Variants in STXBP5L observed in about 807,000 individuals in gnomAD.
STXBP5L encodes the protein syntaxin binding protein 5L.
A neutral mutation model predicts 144.5 loss-of-function variants in STXBP5L; 65 were observed. The observed-to-expected ratio is 0.45, with a 90% CI of 0.37 to 0.55. The LOEUF is 0.55. Among genes scored for constraint, STXBP5L ranks in the 20% least tolerant of loss-of-function variants. The pLI is 0.00. For missense variants in STXBP5L, 1,298 were observed against 1,405.5 expected, an observed-to-expected ratio of 0.92 and a Z score of 1.22; for synonymous variants, 505 against 469.6, an observed-to-expected ratio of 1.08 and a Z score of -0.97.
intron 9 of STXBP5L, among the ~76,000 whole-genome samples, chr3:121,165,176 G>A (rs1230574158): frequency 6.6e-6 from 1 of 152,124 alleles, no homozygotes; most frequent in African/African-American, 2.4e-5. Context: ...TAAAAATGAA[G>A]TGTTTCGGCT....
intron 9 of STXBP5L, among the ~76,000 whole-genome samples, chr3:121,168,506 G>A (rs1016303450): frequency 6.6e-6 from 1 of 152,116 alleles, no homozygotes; most frequent in Non-Finnish European, 1.5e-5. Flanking sequence ...ATGACCTGAT[G>A]GAGCTGAAAA....
intron 6 of STXBP5L, among the ~76,000 whole-genome samples, chr3:121,117,561 A>G (rs1297778243): frequency 6.6e-6 from 1 of 151,834 alleles, no homozygotes; most frequent in African/African-American, 2.4e-5. Flanking sequence ...GGACAGTAAT[A>G]AAATATGCAT....
intron 5 of STXBP5L, among the ~76,000 whole-genome samples, chr3:121,074,069 G>A (rs928397728): frequency 2.6e-5 from 4 of 152,146 alleles, no homozygotes; most frequent in African/African-American, 9.7e-5. Context: ...CAGGACACAG[G>A]GGTCACTTGG....
intron 22 of STXBP5L, among the ~76,000 whole-genome samples, chr3:121,393,828 T>C (rs936664214): frequency 2.2e-4 from 34 of 152,226 alleles, no homozygotes; most frequent in African/African-American, 7.7e-4. Context: ...TTGGTTATTA[T>C]AGCCTTGTAG....
At chr3:121,055,542 G>T (rs756773232) in intron 5 of STXBP5L, among the ~76,000 whole-genome samples, 2 of 151,960 alleles carry the variant, frequency 1.3e-5, no homozygotes, top group Non-Finnish European at 2.9e-5. Context: ...ACAGGGTCCT[G>T]CTCTGTCTCC....
At chr3:121,416,063 T>C (rs2047224460) in intron 25 of STXBP5L, 95 bp downstream of exon 25, 6 of 908,694 alleles carry the variant, frequency 6.6e-6, no homozygotes, top group Non-Finnish European at 8.3e-6. Context: ...ATATGTGATC[T>C]CAAATTCTAG....
intron 22 of STXBP5L, among the ~76,000 whole-genome samples, chr3:121,389,427 C>A (rs992718372): frequency 2.6e-5 from 4 of 152,166 alleles, no homozygotes; most frequent in African/African-American, 9.7e-5. Flanking sequence ...CTTCTGTTAG[C>A]TTTTGAATTT....
At chr3:121,036,751 T>C (rs1946778039) in intron 3 of STXBP5L, among the ~76,000 whole-genome samples, 3 of 150,130 alleles carry the variant, frequency 2.0e-5, no homozygotes, top group Admixed American at 1.3e-4. Context: ...TTTCAGTTGA[T>C]AGGATGACTT....
intron 5 of STXBP5L, among the ~76,000 whole-genome samples, chr3:121,093,869 G>A (rs896992237): frequency 1.3e-5 from 2 of 152,106 alleles, no homozygotes; most frequent in African/African-American, 4.8e-5. Flanking sequence ...ATGTTAGGGT[G>A]TCAATTTTGG....
At chr3:121,119,121 C>G (rs893601983) in intron 6 of STXBP5L, among the ~76,000 whole-genome samples, 7 of 151,454 alleles carry the variant, frequency 4.6e-5, no homozygotes, top group Non-Finnish European at 7.4e-5. Context: ...GTTTGGCCAT[C>G]AGAGCATTTA....
intron 11 of STXBP5L, among the ~76,000 whole-genome samples, chr3:121,226,668 T>C (rs1233811492): frequency 1.3e-5 from 2 of 152,162 alleles, no homozygotes; most frequent in Non-Finnish European, 2.9e-5. Flanking sequence ...TTAGAGGATC[T>C]TAGGAGAATT....
chr3:121,347,840 G>C (rs1211427933), intron 20 of STXBP5L, among the ~76,000 whole-genome samples: 1 of 152,186 alleles, frequency 6.6e-6, no homozygotes, highest in Non-Finnish European at 1.5e-5. Context: ...TTGCTTATCA[G>C]CTTAAGGAGA....
rs189376580 is a variant in STXBP5L at position 121,094,531 on chromosome 3, C to T, written c.471-20394C>T. On this transcript the variant is annotated intron_variant, in intron 5 of 26. Coordinates refer to ENST00000471454, the MANE Select transcript of STXBP5L (RefSeq NM_001308330.2). ...AGTCCCTTTACCATTATGTAATGGC[C>T]TTCTTTGTCCCTTTTGATCTTTGTT... 2.5e-3 allele frequency among the ~76,000 whole-genome samples: 378 copies of T among 152,022 alleles called. 2 individuals carry two copies. Among genetic ancestry groups the T allele is most frequent in the African/African-American group, 8.6e-3 (355 of 41,468 alleles).
intron 18 of STXBP5L, among the ~76,000 whole-genome samples, chr3:121,278,130 T>C (rs369490796): frequency 6.6e-6 from 1 of 151,970 alleles, no homozygotes; most frequent in Admixed American, 6.6e-5. Flanking sequence ...CAATCTCTCT[T>C]TGAGTTCTAG....
Position 121,421,100 on chromosome 3 carries a change from G to A in STXBP5L, c.*2003G>A, listed in dbSNP as rs2047344221. 1 of 151,886 alleles carries A rather than the reference G, an allele frequency of 6.6e-6. No individual in the cohort carries two copies. Among genetic ancestry groups the A allele is most frequent in the Non-Finnish European group, 1.5e-5 (1 of 67,964 alleles). 9.4% of individuals were successfully genotyped at this position (151,886 alleles called of 1,614,324 possible). A position where few individuals can be genotyped will look rare whatever the true frequency, so the allele number is the denominator to read the frequency against. On this transcript the variant is annotated 3_prime_UTR_variant, in exon 27 of 27. Transcript: ENST00000471454. Reference sequence around the variant, plus strand: ...AAATATTAAAGAAACTTAAGAGTAGGATCTAGAAAATACTAGTGGCCAAAT... The same window carrying A: ...AAATATTAAAGAAACTTAAGAGTAGAATCTAGAAAATACTAGTGGCCAAAT...
chr3:120,993,340 T>A (rs1943075494), intron 3 of STXBP5L, among the ~76,000 whole-genome samples: 1 of 152,076 alleles, frequency 6.6e-6, no homozygotes. Context: ...CTATTTTTGT[T>A]TTTGTTGCGT....
At chr3:121,089,092 TAAAAAAAAAAAAAA>T (rs375977537) in intron 5 of STXBP5L, among the ~76,000 whole-genome samples, 2 of 56,150 alleles carry the variant, frequency 3.6e-5, no homozygotes, top group Non-Finnish European at 6.2e-5. Context: ...TAGAGTATAA[TAAAAAAAAAAAAAA>T]AAAAAAAAAA....
In STXBP5L at chr3:121,115,704, T is replaced by C. The variant is rs560478187; in HGVS notation, c.605+645T>C. 5.3e-5 allele frequency among the ~76,000 whole-genome samples: 8 copies of C among 152,242 alleles called. No individual in the cohort carries two copies. In the East Asian group the frequency reaches 1.3e-3, roughly 26 times the overall value. The stretch of plus-strand genomic sequence containing the variant: ...ATATAGAAAAGAGGTTTAATTGGCT[T>C]ATGGTTCTACAGGCTTTACAGGAAG... On this transcript the variant is annotated intron_variant, in intron 6 of 26. Transcript: ENST00000471454.
At chr3:121,404,889 C>T (rs375373850) in intron 22 of STXBP5L, among the ~76,000 whole-genome samples, 1 of 152,120 alleles carries the variant, frequency 6.6e-6, no homozygotes, top group East Asian at 1.9e-4. Context: ...GTGGCTTAAA[C>T]AGCAGAAATT....
Sources: gnomAD v4.1 joint callset for allele counts (sites outside exome capture counted in the v4.1 genomes callset) on GRCh38, gnomAD v4.1.1 for gene constraint, MANE v1.5 for transcripts, NCBI Gene and HGNC (gene_info 2026-07-23, HGNC 2026-07-21) for gene names.